Variants in UBE2Q2 observed in about 807,000 individuals in gnomAD.
UBE2Q2 encodes ubiquitin conjugating enzyme E2 Q2.
UBE2Q2 carries 54 observed loss-of-function variants against 59.9 expected under a neutral mutation model. The ratio of observed to expected loss-of-function variants is 0.90; its 90% CI spans 0.72 to 1.13. UBE2Q2 has a LOEUF of 1.13. Ranked by LOEUF, UBE2Q2 falls within the 50% of genes most tolerant of loss-of-function variation. The pLI is 0.00. For missense variants in UBE2Q2, 433 were observed against 441.9 expected (o/e 0.98, Z 0.18); for synonymous variants, 165 against 155.2 (o/e 1.06, Z -0.47).
chr15:75,854,534 C>A, intron 2 of UBE2Q2, 47 bp downstream of exon 2: 2 of 1,162,434 alleles, frequency 1.7e-6, no homozygotes, highest in Non-Finnish European at 2.5e-6. Context: ...ATGAACATTA[C>A]ATATAGAAAT....
At chr15:75,877,143 A>G (rs1249258136) in intron 6 of UBE2Q2, among the ~76,000 whole-genome samples, 2 of 125,204 alleles carry the variant, frequency 1.6e-5, no homozygotes, top group African/African-American at 6.0e-5. Context: ...CCTGGGCAGC[A>G]AGAGTGAGAC....
At chr15:75,859,141 C>G (rs1897081751) in intron 2 of UBE2Q2, among the ~76,000 whole-genome samples, 1 of 152,190 alleles carries the variant, frequency 6.6e-6, no homozygotes, top group Non-Finnish European at 1.5e-5. Flanking sequence ...ACCTTGCTTA[C>G]TTGTTGAAAG....
intron 12 of UBE2Q2, among the ~76,000 whole-genome samples, chr15:75,897,466 G>A (rs1214256426): frequency 5.3e-5 from 8 of 151,864 alleles, no homozygotes; most frequent in Admixed American, 5.3e-4. Context: ...TGATCCGCCC[G>A]CCTCGGCCTC....
rs186253855 is a variant in UBE2Q2, at chr15:75,892,817, A to G, written c.1029+1803A>G. ...CTTGAGCCCAGGAGACCGAGGCTGC[A>G]CTGAGGCATGTTTGCGCACTCCAGC... On this transcript the variant is annotated intron_variant, in intron 11 of 12. Transcript: ENST00000267938. 5.6e-4 allele frequency among the ~76,000 whole-genome samples: 85 copies of G among 152,334 alleles called. 1 individual carries two copies. The highest frequency in any genetic ancestry group is 1.9e-3 in the African/African-American group (79 of 41,582).
chr15:75,893,270 G>A (rs889996920), intron 11 of UBE2Q2, among the ~76,000 whole-genome samples: 4 of 152,152 alleles, frequency 2.6e-5, no homozygotes, highest in Non-Finnish European at 4.4e-5. Context: ...ATAAAGGAGA[G>A]TGATAAAGAT....
chr15:75,866,353 T>A (rs28707038), intron 3 of UBE2Q2, among the ~76,000 whole-genome samples: 1 of 152,074 alleles, frequency 6.6e-6, no homozygotes, highest in Admixed American at 6.6e-5. Context: ...CTTTTTAAAA[T>A]TTTTTTGTAG....
At chr15:75,848,361 A>G (rs1439594802) in intron 1 of UBE2Q2, among the ~76,000 whole-genome samples, 2 of 152,262 alleles carry the variant, frequency 1.3e-5, no homozygotes, top group Non-Finnish European at 2.9e-5. Flanking sequence ...AACCTGGACT[A>G]AGGAGCCTAA....
intron 1 of UBE2Q2, among the ~76,000 whole-genome samples, chr15:75,852,319 C>T (rs1042104521): frequency 6.6e-6 from 1 of 152,130 alleles, no homozygotes; most frequent in Admixed American, 6.5e-5. Flanking sequence ...CGTTTTTACC[C>T]ACCATTGTAT....
chr15:75,850,220 A>T (rs1896559551), intron 1 of UBE2Q2, among the ~76,000 whole-genome samples: 1 of 152,202 alleles, frequency 6.6e-6, no homozygotes, highest in African/African-American at 2.4e-5. Flanking sequence ...CATTAAAAGA[A>T]ATTTAGTCAA....
At chr15:75,886,546 A>G (rs1413126813) in intron 9 of UBE2Q2, among the ~76,000 whole-genome samples, 1 of 152,244 alleles carries the variant, frequency 6.6e-6, no homozygotes, top group Non-Finnish European at 1.5e-5. Context: ...AAAAAAGATC[A>G]AGGAAAAGAT....
intron 1 of UBE2Q2, among the ~76,000 whole-genome samples, chr15:75,850,989 G>A (rs1432962730): frequency 6.6e-6 from 1 of 152,126 alleles, no homozygotes; most frequent in African/African-American, 2.4e-5. Context: ...TTTCATTGAT[G>A]TTTGCTCTGT....
At chr15:75,855,883 C>G (rs979243045) in intron 2 of UBE2Q2, among the ~76,000 whole-genome samples, 6 of 152,140 alleles carry the variant, frequency 3.9e-5, no homozygotes, top group Admixed American at 2.6e-4. Context: ...GCCATGTCTT[C>G]ATATTCGTAA....
chr15:75,869,715 T>G (rs530345461), intron 4 of UBE2Q2, among the ~76,000 whole-genome samples: 3 of 152,330 alleles, frequency 2.0e-5, no homozygotes, highest in Non-Finnish European at 2.9e-5. Context: ...AGGTCCTACC[T>G]CTTAATAGCA....
intron 11 of UBE2Q2, among the ~76,000 whole-genome samples, chr15:75,891,481 C>A (rs1270014138): frequency 8.0e-6 from 1 of 124,708 alleles, no homozygotes. Context: ...CCTATGCTTA[C>A]CAAGTTTTTT....
At chr15:75,861,030 T>C (rs1897181722) in intron 3 of UBE2Q2, among the ~76,000 whole-genome samples, 1 of 152,236 alleles carries the variant, frequency 6.6e-6, no homozygotes, top group South Asian at 2.1e-4. Flanking sequence ...CTGTATGCCC[T>C]TGGGCTGATT....
intron 1 of UBE2Q2, among the ~76,000 whole-genome samples, chr15:75,844,947 G>T (rs1470237935): frequency 1.3e-5 from 2 of 151,398 alleles, no homozygotes; most frequent in Admixed American, 6.6e-5. Flanking sequence ...AGACTATCTG[G>T]GCAGAAGGTG....
chr15:75,873,720 T>C, intron 5 of UBE2Q2, 152 bp downstream of exon 5: 1 of 861,492 alleles, frequency 1.2e-6, no homozygotes, highest in Non-Finnish European at 1.8e-6. Flanking sequence ...TAAAACAGGG[T>C]CTTGCTCTGT....
rs1415969890 is a variant in UBE2Q2, at chr15:75,900,417, T to G, written c.*959T>G. 1.2e-4 allele frequency: 19 copies of G among 152,608 alleles called. 1 individual carries two copies. Among genetic ancestry groups the G allele is most frequent in the Admixed American group, 1.2e-3 (19 of 15,286 alleles). 9.5% of individuals were successfully genotyped at this position (152,608 alleles called of 1,614,324 possible). A position where few individuals can be genotyped will look rare whatever the true frequency, so the allele number is the denominator to read the frequency against. On this transcript the variant is annotated 3_prime_UTR_variant, in exon 13 of 13. Transcript: ENST00000267938. ...TTTACATTGAAAGATTAATAGAAAC[T>G]CTACATATGTTAATTTTTTTATAGA...
chr15:75,878,484 G>T (rs1209257818), intron 7 of UBE2Q2: 3 of 152,476 alleles, frequency 2.0e-5, no homozygotes, highest in African/African-American at 4.9e-5. Context: ...CCAGCTACTG[G>T]GGGTGGTGGG....
Sources: gnomAD v4.1 joint callset for allele counts (sites outside exome capture counted in the v4.1 genomes callset) on GRCh38, gnomAD v4.1.1 for gene constraint, MANE v1.5 for transcripts, NCBI Gene and HGNC (gene_info 2026-07-23, HGNC 2026-07-21) for gene names.